Variants in BMP8A observed in about 807,000 individuals in gnomAD.
The protein encoded by BMP8A is BMP-8A.
In BMP8A, 14 loss-of-function variants were observed where a neutral mutation model predicts 36.8. The ratio of observed to expected loss-of-function variants is 0.38; its 90% CI spans 0.25 to 0.60. BMP8A has a LOEUF of 0.60. BMP8A is among the 20% of genes least tolerant of loss of function. The pLI, the probability that BMP8A is intolerant of heterozygous loss-of-function variation, is 0.63. For missense variants in BMP8A, 267 were observed against 551.1 expected (o/e 0.48, Z 5.16); for synonymous variants, 120 against 237.7 (o/e 0.50, Z 4.55).
At chr1:39,509,639 G>A (rs565567581) in intron 1 of BMP8A, among the ~76,000 whole-genome samples, 6 of 152,168 alleles carry the variant, frequency 3.9e-5, no homozygotes, top group Non-Finnish European at 7.3e-5. Context: ...ACAGCTGTTC[G>A]CCTGCCCTTG....
chr1:39,523,075 C>T lies in BMP8A; in HGVS notation c.1017C>T (p.Asp339=). The T allele has an allele frequency of 5.0e-6, 8 of 1,614,034 alleles. No homozygotes were observed. The highest frequency in any genetic ancestry group is 1.3e-5 in the African/African-American group (1 of 75,020). ...AGGGGGAGTGCTCCTTCCCGCTGGA[C>T]TCCTGCATGAACGCCACCAACCACG... ...YCEGECSFPL[D]SCMNATNHAI... The change falls in exon 6 of 7, where the codon GAC becomes GAT. Residue 339 remains aspartate (D), a synonymous_variant. Coordinates refer to ENST00000331593, the MANE Select transcript of BMP8A (RefSeq NM_181809.4).
rs1231867978 is a variant in BMP8A, at chr1:39,526,501, G to C, written c.*703G>C. On this transcript the variant is annotated 3_prime_UTR_variant, in exon 7 of 7. Transcript: ENST00000331593. ...TTACAGGGGCCCACCACCACGCCCA[G>C]CTCATTCTTGTATTTTTAGTAGAGA... Among the ~76,000 whole-genome samples, 1 of 152,132 alleles carries C rather than the reference G, an allele frequency of 6.6e-6. No homozygotes were observed. Among genetic ancestry groups the C allele is most frequent in the African/African-American group, 2.4e-5 (1 of 41,424 alleles).
chr1:39,523,754 G>A (rs1645454554), intron 6 of BMP8A: 2 of 1,237,068 alleles, frequency 1.6e-6, no homozygotes, highest in Admixed American at 4.1e-5. Flanking sequence ...ACCACTGAGT[G>A]CTCTGTGTGT....
At position 39,526,535 on chromosome 1, in the gene BMP8A, C is replaced by A. The variant is rs1466357618; in HGVS notation, c.*737C>A. 6.6e-6 allele frequency among the ~76,000 whole-genome samples: 1 copy of A among 152,148 alleles called. No individual in the cohort carries two copies. Among genetic ancestry groups the A allele is most frequent in the East Asian group, 1.9e-4 (1 of 5,190 alleles). On this transcript the variant is annotated 3_prime_UTR_variant, in exon 7 of 7. Coordinates refer to ENST00000331593, the MANE Select transcript of BMP8A (RefSeq NM_181809.4). ...TGTATTTTTAGTAGAGACGGGGTTT[C>A]ACCATATCGGCCAGGCTGGTCTTGA...
Position 39,525,655 on chromosome 1 carries a change from C to CTGA in BMP8A, c.1070_1072dup (p.Met357dup), listed in dbSNP as rs1377665766. ...GTGCTCCCTTCCTGGCCAGGTGCACCTGATGAAGCCAAACGCAGTCCCCAA... is the reference window on the plus strand; with the variant it reads ...GTGCTCCCTTCCTGGCCAGGTGCACCTGATGATGAAGCCAAACGCAGTCCCCAA... On this transcript the variant is annotated inframe_insertion, in exon 7 of 7. Transcript: ENST00000331593. 1 of 1,613,912 alleles carries CTGA rather than the reference C, an allele frequency of 6.2e-7. No homozygotes were observed.
chr1:39,517,116 G>C, intron 3 of BMP8A, among the ~76,000 whole-genome samples: 1 of 151,950 alleles, frequency 6.6e-6, no homozygotes, highest in East Asian at 1.9e-4. Context: ...CTCCTGAGTA[G>C]CTGGGACTAC....
rs1405883752 is a variant in BMP8A at position 39,491,907 on chromosome 1, A to T, written c.-85A>T. The T allele has an allele frequency of 9.8e-7, 1 of 1,022,630 alleles. No homozygotes were observed. Among genetic ancestry groups the T allele is most frequent in the African/African-American group, 1.7e-5 (1 of 57,850 alleles). The allele number at this position is 1,022,630 out of a possible 1,614,324, so 63.3% of individuals were successfully genotyped here. ...GCCCCGCCCCCTGCTCGCCGAACTC[A>T]GCTCCCCGTTCGCCGTCGGGGCGTC... On this transcript the variant is annotated 5_prime_UTR_variant, in exon 1 of 7. Transcript: ENST00000331593.
At position 39,523,135 on chromosome 1, in the gene BMP8A, C is replaced by T. The variant is rs1273735579; in HGVS notation, c.1059+18C>T. On this transcript the variant is annotated intron_variant, in intron 6 of 6. Coordinates refer to ENST00000331593, the MANE Select transcript of BMP8A (RefSeq NM_181809.4). ...AGTCCCTGGTCAGTACCGTGCCCAT[C>T]CTGCCCAGCCCCCTGGGGTGGGAGG... 11 of 1,612,358 alleles carry T rather than the reference C, an allele frequency of 6.8e-6. No individual in the cohort carries two copies. In the South Asian group the frequency reaches 9.9e-5, roughly 14 times the overall value.
At chr1:39,509,237 C>CTGAGGAGG (rs1645329657) in intron 1 of BMP8A, among the ~76,000 whole-genome samples, 1 of 152,160 alleles carries the variant, frequency 6.6e-6, no homozygotes, top group Admixed American at 6.5e-5. Flanking sequence ...CTGTCGCATG[C>CTGAGGAGG]CCTGTGACAG....
chr1:39,495,274 G>C (rs145335322), intron 1 of BMP8A, among the ~76,000 whole-genome samples: 2 of 152,230 alleles, frequency 1.3e-5, no homozygotes, highest in African/African-American at 4.8e-5. Flanking sequence ...AGAGGGCGGG[G>C]CTCTCGCTGG....
At chr1:39,523,755 C>G in intron 6 of BMP8A, 2 of 1,239,246 alleles carry the variant, frequency 1.6e-6, no homozygotes, top group Non-Finnish European at 2.1e-6. Context: ...CCACTGAGTG[C>G]TCTGTGTGTT....
chr1:39,506,482 C>T (rs1170708547), intron 1 of BMP8A, among the ~76,000 whole-genome samples: 4 of 152,146 alleles, frequency 2.6e-5, no homozygotes, highest in Non-Finnish European at 4.4e-5. Context: ...GCTGGGATTA[C>T]AGGTGTGAGC....
At chr1:39,509,539 C>T (rs1645332894) in intron 1 of BMP8A, among the ~76,000 whole-genome samples, 1 of 152,168 alleles carries the variant, frequency 6.6e-6, no homozygotes, top group South Asian at 2.1e-4. Context: ...TGCTGTGGGA[C>T]AAGACAAGTT....
At chr1:39,521,255 G>C in intron 3 of BMP8A, 121 bp from the exon 4 acceptor site, 1 of 648,370 alleles carries the variant, frequency 1.5e-6, no homozygotes, top group Non-Finnish European at 2.1e-6. Context: ...GGCTCAGCAG[G>C]ACCCCTTGGG....
At chr1:39,504,911 G>C (rs527375324) in intron 1 of BMP8A, among the ~76,000 whole-genome samples, 1 of 151,344 alleles carries the variant, frequency 6.6e-6, no homozygotes, top group African/African-American at 2.4e-5. Context: ...GCCGTGCCTC[G>C]ATGTGCATGT....
intron 1 of BMP8A, among the ~76,000 whole-genome samples, chr1:39,500,527 G>A (rs1291833094): frequency 6.6e-6 from 1 of 150,906 alleles, no homozygotes; most frequent in African/African-American, 2.4e-5. Context: ...AAGGTGACCC[G>A]TGTTTGATAG....
rs751599678 is a variant in BMP8A, at chr1:39,527,237, A to AGTT, written c.*1441_*1443dup. 3.3e-5 allele frequency among the ~76,000 whole-genome samples: 5 copies of AGTT among 152,130 alleles called. No individual in the cohort carries two copies. Among genetic ancestry groups the AGTT allele is most frequent in the Non-Finnish European group, 7.4e-5 (5 of 68,002 alleles). On this transcript the variant is annotated 3_prime_UTR_variant, in exon 7 of 7. Transcript: ENST00000331593. ...GGAGTGACAGGCAGTAATTAGGCTG[A>AGTT]GTTGGGTGGGGAGGTTTGTCTCGGC...
chr1:39,502,235 CA>C (rs144694221), intron 1 of BMP8A, among the ~76,000 whole-genome samples: 74 of 123,110 alleles, frequency 6.0e-4, no homozygotes, highest in East Asian at 7.0e-4. Context: ...GAGACTGTCT[CA>C]AAAAAAAAAA....
intron 1 of BMP8A, among the ~76,000 whole-genome samples, chr1:39,498,186 C>A (rs1162327475): frequency 2.0e-5 from 3 of 152,224 alleles, no homozygotes; most frequent in African/African-American, 7.2e-5. Flanking sequence ...TCCTTTCCAG[C>A]TCTGACCAAA....
Sources: allele counts gnomAD v4.1 joint callset (sites outside exome capture counted in the v4.1 genomes callset), GRCh38; gene constraint gnomAD v4.1.1; transcripts MANE v1.5; gene names NCBI Gene and HGNC (gene_info 2026-07-23, HGNC 2026-07-21).